Variants in LRRC7 observed in about 807,000 individuals in gnomAD.
LRRC7 encodes the protein leucine-rich repeat-containing protein 7.
LRRC7 carries 23 observed loss-of-function variants against 175.7 expected under a neutral mutation model. The ratio of observed to expected loss-of-function variants is 0.13; its 90% CI spans 0.09 to 0.19. The LOEUF (loss-of-function observed/expected upper bound fraction) is 0.19. Ranked by LOEUF, LRRC7 falls within the 10% of genes least tolerant of loss-of-function variation. The pLI is 1.00. For synonymous variants in LRRC7, 685 were observed against 680.9 expected (o/e 1.01, Z -0.09); for missense variants, 1,354 against 1,904.7 (o/e 0.71, Z 5.38).
rs114806682 is a variant in LRRC7, at chr1:70,045,338, G to A, written c.4110+1244G>A. ...CAGCAATATAAATACTCTCCCTATGGCTAATTTCAAGGTACCAACTTAATG... is the reference window on the plus strand; with the variant it reads ...CAGCAATATAAATACTCTCCCTATGACTAATTTCAAGGTACCAACTTAATG... On this transcript the variant is annotated intron_variant, in intron 22 of 26. Coordinates refer to ENST00000651989, the MANE Select transcript of LRRC7 (RefSeq NM_001370785.2). Among the ~76,000 whole-genome samples, 355 of 152,124 alleles carry A rather than the reference G, an allele frequency of 2.3e-3. 4 individuals are homozygous for A. Among genetic ancestry groups the A allele is most frequent in the African/African-American group, 8.0e-3 (332 of 41,508 alleles).
chr1:69,616,865 T>C (rs373559048), intron 1 of LRRC7, among the ~76,000 whole-genome samples: 8 of 152,168 alleles, frequency 5.3e-5, no homozygotes, highest in African/African-American at 1.7e-4. Context: ...AAATCACTTA[T>C]TTACAACCAA....
chr1:69,860,088 A>G (rs752520307), intron 7 of LRRC7, among the ~76,000 whole-genome samples: 2 of 151,946 alleles, frequency 1.3e-5, no homozygotes, highest in Non-Finnish European at 2.9e-5. Context: ...GCACACATCA[A>G]TACTCTCATC....
At chr1:70,087,091 C>T (rs11209589) in intron 24 of LRRC7, among the ~76,000 whole-genome samples, 42,033 of 152,114 alleles carry the variant, frequency 0.28, 7,071 homozygotes, top group Non-Finnish European at 0.37. Flanking sequence ...TATAAAACTA[C>T]AGTGTCATCA....
intron 7 of LRRC7, among the ~76,000 whole-genome samples, chr1:69,861,832 T>C (rs1684390890): frequency 6.6e-6 from 1 of 152,152 alleles, no homozygotes; most frequent in South Asian, 2.1e-4. Context: ...GACCTGGAAA[T>C]CACAGGTGTT....
At chr1:69,964,339 A>G (rs893879757) in intron 8 of LRRC7, among the ~76,000 whole-genome samples, 4 of 152,202 alleles carry the variant, frequency 2.6e-5, no homozygotes, top group African/African-American at 7.2e-5. Context: ...CCTATTACGT[A>G]TGAGGAAACT....
intron 2 of LRRC7, among the ~76,000 whole-genome samples, chr1:69,714,043 C>T (rs1453775804): frequency 6.6e-6 from 1 of 152,092 alleles, no homozygotes; most frequent in East Asian, 1.9e-4. Flanking sequence ...CAAAAAGAGT[C>T]ATATGCAGAG....
intron 7 of LRRC7, among the ~76,000 whole-genome samples, chr1:69,853,021 G>A (rs1250871787): frequency 6.6e-6 from 1 of 151,992 alleles, no homozygotes; most frequent in Non-Finnish European, 1.5e-5. Flanking sequence ...CATACTAAAT[G>A]CATCATGCCT....
intron 3 of LRRC7, among the ~76,000 whole-genome samples, chr1:69,768,388 T>G (rs754618611): frequency 2.0e-5 from 3 of 152,128 alleles, no homozygotes; most frequent in African/African-American, 4.8e-5. Flanking sequence ...AGATCTCTGC[T>G]CAAACATCAC....
chr1:69,903,460 T>C (rs1321421885), intron 7 of LRRC7, among the ~76,000 whole-genome samples: 1 of 152,158 alleles, frequency 6.6e-6, no homozygotes, highest in Non-Finnish European at 1.5e-5. Flanking sequence ...TACTACACCT[T>C]TCCCACAGTC....
rs1272918442 is a variant in LRRC7 at position 70,129,571 on chromosome 1, G to A, written c.*7684G>A. Among the ~76,000 whole-genome samples the A allele has an allele frequency of 2.0e-5, 3 of 152,108 alleles. No individual in the cohort carries two copies. The highest frequency in any genetic ancestry group is 4.4e-5 in the Non-Finnish European group (3 of 68,024). On this transcript the variant is annotated 3_prime_UTR_variant, in exon 27 of 27. Transcript: ENST00000651989. ...TGAAAAGAGTCTTCTAGGTTCAGCGGCCCCAAAAAGTCCCTCCTATGACCA... is the reference window on the plus strand; with the variant it reads ...TGAAAAGAGTCTTCTAGGTTCAGCGACCCCAAAAAGTCCCTCCTATGACCA...
intron 2 of LRRC7, among the ~76,000 whole-genome samples, chr1:69,759,313 T>A (rs886550030): frequency 4.6e-5 from 7 of 151,962 alleles, no homozygotes; most frequent in Non-Finnish European, 1.0e-4. Flanking sequence ...AATACAAGAA[T>A]GAACAAAATA....
chr1:69,672,767 A>G (rs1659261260), intron 1 of LRRC7, among the ~76,000 whole-genome samples: 2 of 152,216 alleles, frequency 1.3e-5, no homozygotes, highest in South Asian at 4.2e-4. Context: ...TCAGTCCATG[A>G]TTCTAGATTA....
At chr1:69,886,307 T>C (rs564029214) in intron 7 of LRRC7, among the ~76,000 whole-genome samples, 255 of 151,470 alleles carry the variant, frequency 1.7e-3, no homozygotes, top group Non-Finnish European at 2.5e-3. Context: ...GCTCCTGTAT[T>C]GGGTGCATAT....
intron 2 of LRRC7, among the ~76,000 whole-genome samples, chr1:69,726,464 A>G (rs1666987388): frequency 6.6e-6 from 1 of 152,198 alleles, no homozygotes; most frequent in Non-Finnish European, 1.5e-5. Flanking sequence ...CACTGGTCAT[A>G]GTGTAAAGGA....
intron 1 of LRRC7, among the ~76,000 whole-genome samples, chr1:69,676,283 G>A (rs1172407530): frequency 2.6e-5 from 4 of 151,928 alleles, no homozygotes; most frequent in Non-Finnish European, 5.9e-5. Context: ...CTAATCCTAG[G>A]AGACCCTCTG....
intron 26 of LRRC7, among the ~76,000 whole-genome samples, chr1:70,111,570 CT>C (rs1376981456): frequency 6.6e-6 from 1 of 152,044 alleles, no homozygotes; most frequent in Non-Finnish European, 1.5e-5. Context: ...GTCATAGTTT[CT>C]TTTTTCTAAT....
At chr1:69,886,195 C>CG (rs1173446219) in intron 7 of LRRC7, among the ~76,000 whole-genome samples, 2 of 152,058 alleles carry the variant, frequency 1.3e-5, no homozygotes, top group African/African-American at 4.8e-5. Flanking sequence ...TCTCGTTTAT[C>CG]TGTCTAATGT....
chr1:69,965,859 A>G (rs1570834417), intron 8 of LRRC7, among the ~76,000 whole-genome samples: 1 of 152,186 alleles, frequency 6.6e-6, no homozygotes, highest in African/African-American at 2.4e-5. Context: ...AATTTCGTGT[A>G]TCAGAAAGAA....
intron 23 of LRRC7, among the ~76,000 whole-genome samples, chr1:70,060,712 T>G (rs1310926320): frequency 6.6e-6 from 1 of 152,174 alleles, no homozygotes; most frequent in Admixed American, 6.5e-5. Flanking sequence ...ATATAAGAGA[T>G]GCGGAAATAG....
Sources: gnomAD v4.1 joint callset for allele counts (sites outside exome capture counted in the v4.1 genomes callset) on GRCh38, gnomAD v4.1.1 for gene constraint, MANE v1.5 for transcripts, NCBI Gene and HGNC (gene_info 2026-07-23, HGNC 2026-07-21) for gene names.